The following CDK14 variants were observed in gnomAD, a reference collection of about 807,000 sequenced individuals.
The protein encoded by CDK14 is cyclin dependent kinase 14.
A neutral mutation model predicts 60.7 loss-of-function variants in CDK14; 34 were observed. The observed-to-expected ratio is 0.56, with a 90% CI of 0.43 to 0.75. CDK14 has a LOEUF of 0.75. CDK14 is among the 30% of genes least tolerant of loss of function. The probability of loss-of-function intolerance (pLI) is 0.00; values close to 1 mark genes in which losing one functional copy is unlikely to be tolerated. For synonymous variants in CDK14, 197 were observed against 203.7 expected, an observed-to-expected ratio of 0.97 and a Z score of 0.28; for missense variants, 482 against 564.1, an observed-to-expected ratio of 0.85 and a Z score of 1.47.
chr7:91,068,072 A>G (rs1361526027), intron 11 of CDK14, among the ~76,000 whole-genome samples: 2 of 152,236 alleles, frequency 1.3e-5, no homozygotes, highest in African/African-American at 4.8e-5. Context: ...AAAGAACTTC[A>G]TACAAAGAAC....
At chr7:91,061,207 G>T (rs887242696) in intron 11 of CDK14, among the ~76,000 whole-genome samples, 2 of 152,316 alleles carry the variant, frequency 1.3e-5, no homozygotes, top group Middle Eastern at 3.4e-3. Context: ...ACTGAGGCTT[G>T]TGCATTCGTC....
intron 2 of CDK14, among the ~76,000 whole-genome samples, chr7:90,622,001 T>C (rs1799780827): frequency 2.0e-5 from 3 of 152,292 alleles, no homozygotes; most frequent in African/African-American, 7.2e-5. Context: ...TGCTTGCATT[T>C]GATGATGATT....
chr7:90,926,640 A>G (rs1163163120), intron 8 of CDK14, among the ~76,000 whole-genome samples: 1 of 152,104 alleles, frequency 6.6e-6, no homozygotes, highest in Non-Finnish European at 1.5e-5. Context: ...CTTTCAAATT[A>G]ACTTTTTGGG....
chr7:90,670,298 A>C (rs1351795135), intron 2 of CDK14, among the ~76,000 whole-genome samples: 1 of 152,186 alleles, frequency 6.6e-6, no homozygotes, highest in East Asian at 1.9e-4. Flanking sequence ...TAGTTCAACT[A>C]ATTTATTTCA....
intron 11 of CDK14, among the ~76,000 whole-genome samples, chr7:91,051,899 TG>T (rs1248743534): frequency 6.6e-6 from 1 of 152,214 alleles, no homozygotes; most frequent in Non-Finnish European, 1.5e-5. Flanking sequence ...GCAATTTTTT[TG>T]TTGCTGTTAT....
chr7:90,895,295 C>T (rs959597055), intron 6 of CDK14, among the ~76,000 whole-genome samples: 8 of 137,230 alleles, frequency 5.8e-5, no homozygotes, highest in Non-Finnish European at 1.3e-4. Context: ...TTAGTTGTCA[C>T]TTTTCCCATT....
intron 7 of CDK14, among the ~76,000 whole-genome samples, chr7:90,904,269 A>C (rs780971006): frequency 6.6e-6 from 1 of 152,194 alleles, no homozygotes; most frequent in Non-Finnish European, 1.5e-5. Context: ...GAAGAATCCA[A>C]GAAACTCTCC....
chr7:90,767,847 G>A (rs1048021908), intron 4 of CDK14, among the ~76,000 whole-genome samples: 2 of 152,150 alleles, frequency 1.3e-5, no homozygotes, highest in Non-Finnish European at 2.9e-5. Flanking sequence ...TCCACCTGAG[G>A]TATATCCCCA....
At chr7:91,164,739 A>C (rs1801290609) in intron 14 of CDK14, among the ~76,000 whole-genome samples, 1 of 152,156 alleles carries the variant, frequency 6.6e-6, no homozygotes, top group African/African-American at 2.4e-5. Flanking sequence ...ATGATTCTGC[A>C]CTCCCAATAT....
intron 2 of CDK14, among the ~76,000 whole-genome samples, chr7:90,646,750 G>A (rs1800477130): frequency 6.6e-6 from 1 of 152,066 alleles, no homozygotes; most frequent in African/African-American, 2.4e-5. Context: ...TCTGTTCATA[G>A]GTTGCATGCT....
chr7:90,748,748 A>AT (rs1161380806), intron 4 of CDK14, among the ~76,000 whole-genome samples: 18 of 151,766 alleles, frequency 1.2e-4, no homozygotes, highest in Admixed American at 1.2e-3. Context: ...ATGTCTGGCT[A>AT]TTTTTTTTAA....
In CDK14 at chr7:91,020,910, T is replaced by C. The variant is rs562487507; in HGVS notation, c.1042-24987T>C. On this transcript the variant is annotated intron_variant, in intron 10 of 14. Coordinates refer to ENST00000380050, the MANE Select transcript of CDK14 (RefSeq NM_001287135.2). ...AACTTGGAATCCTCTTTCAATCTCA[T>C]GCAGTTGTTGGTAGAATTCAATCTC... is the stretch of plus-strand genomic sequence containing the variant. Among the ~76,000 whole-genome samples the C allele has an allele frequency of 2.7e-3, 413 of 152,166 alleles. 1 individual carries two copies. Among genetic ancestry groups the C allele is most frequent in the Non-Finnish European group, 4.3e-3 (294 of 68,040 alleles).
At chr7:90,860,737 A>G (rs542408152) in intron 5 of CDK14, among the ~76,000 whole-genome samples, 6 of 151,982 alleles carry the variant, frequency 3.9e-5, no homozygotes, top group Non-Finnish European at 7.4e-5. Flanking sequence ...GTTGATCAGG[A>G]TGGTCTCAAT....
chr7:91,037,761 G>A (rs1336918864), intron 10 of CDK14, among the ~76,000 whole-genome samples: 2 of 151,852 alleles, frequency 1.3e-5, no homozygotes, highest in African/African-American at 4.8e-5. Flanking sequence ...GGCTAAAATC[G>A]ACATATGCTG....
At chr7:91,007,683 T>C (rs1484926480) in intron 10 of CDK14, among the ~76,000 whole-genome samples, 7 of 152,134 alleles carry the variant, frequency 4.6e-5, no homozygotes, top group Non-Finnish European at 1.5e-5. Flanking sequence ...ATTTCAGCTG[T>C]ATAGAATGAA....
At chr7:91,091,255 A>G (rs1420545801) in intron 12 of CDK14, among the ~76,000 whole-genome samples, 1 of 145,600 alleles carries the variant, frequency 6.9e-6, no homozygotes, top group Non-Finnish European at 1.5e-5. Flanking sequence ...TAAAAAAAAT[A>G]TTTTATTTAT....
chr7:90,744,008 T>C (rs1043747075), intron 3 of CDK14, among the ~76,000 whole-genome samples: 4 of 152,118 alleles, frequency 2.6e-5, no homozygotes, highest in Non-Finnish European at 4.4e-5. Flanking sequence ...ACTTTATTCT[T>C]TTTTTTTAAA....
intron 6 of CDK14, among the ~76,000 whole-genome samples, chr7:90,870,804 T>A (rs931502072): frequency 1.3e-5 from 2 of 152,224 alleles, no homozygotes; most frequent in African/African-American, 2.4e-5. Flanking sequence ...TACAGAAATA[T>A]AAGCTTCATA....
intron 5 of CDK14, among the ~76,000 whole-genome samples, chr7:90,817,438 C>CT (rs1054302586): frequency 4.3e-4 from 66 of 152,210 alleles, no homozygotes; most frequent in African/African-American, 1.6e-3. Flanking sequence ...GCTTGACACT[C>CT]TTTCCTTTTT....
Sources: allele counts gnomAD v4.1 joint callset (sites outside exome capture counted in the v4.1 genomes callset), GRCh38; gene constraint gnomAD v4.1.1; transcripts MANE v1.5; gene names NCBI Gene and HGNC (gene_info 2026-07-23, HGNC 2026-07-21).